Variants in APLP2 observed in about 807,000 individuals in gnomAD.
The protein encoded by APLP2 is amyloid beta precursor like protein 2.
A neutral mutation model predicts 89.9 loss-of-function variants in APLP2; 53 were observed. That is an observed-to-expected ratio of 0.59 (90% CI 0.47 to 0.74). APLP2 has a LOEUF of 0.74. Ranked by LOEUF, APLP2 falls within the 30% of genes least tolerant of loss-of-function variation. APLP2 has a pLI of 0.00. For synonymous variants in APLP2, 372 were observed against 348.6 expected, an observed-to-expected ratio of 1.07 and a Z score of -0.75; for missense variants, 973 against 975.9, an observed-to-expected ratio of 1.00 and a Z score of 0.04.
At chr11:130,119,830 T>C (rs1445653680) in intron 3 of APLP2, among the ~76,000 whole-genome samples, 2 of 152,246 alleles carry the variant, frequency 1.3e-5, no homozygotes, top group Non-Finnish European at 2.9e-5. Flanking sequence ...GACATTCTTC[T>C]ATATATAATG....
rs80070284 is a variant in APLP2, at chr11:130,069,931, C to T, written c.-47C>T. 160,476 of 1,385,974 alleles carry T rather than the reference C, an allele frequency of 0.12. 10,249 individuals carry two copies. The highest frequency in any genetic ancestry group is 0.25 in the African/African-American group (16,540 of 66,886). 85.9% of individuals were successfully genotyped at this position (1,385,974 alleles called of 1,614,324 possible). ...GTCGCGGTGTGCTAAGCGAGGAGTC[C>T]GAGTGTGTGAGCTTGAGAGCCGCGC... On this transcript the variant is annotated 5_prime_UTR_variant, in exon 1 of 17. Transcript: ENST00000338167.
At chr11:130,128,956 A>C (rs1950645989) in intron 9 of APLP2, 92 bp from the exon 10 acceptor site, 1 of 1,421,838 alleles carries the variant, frequency 7.0e-7, no homozygotes, top group Non-Finnish European at 9.5e-7. Flanking sequence ...TCGCATGGGC[A>C]CTGACAGGAG....
intron 1 of APLP2, chr11:130,070,546 C>A: frequency 7.8e-7 from 1 of 1,279,400 alleles, no homozygotes. Flanking sequence ...GGGCCTCCCA[C>A]CTGCGAGCGG....
intron 1 of APLP2, among the ~76,000 whole-genome samples, chr11:130,084,178 G>A (rs1203160697): frequency 2.6e-5 from 4 of 152,180 alleles, no homozygotes; most frequent in Non-Finnish European, 5.9e-5. Flanking sequence ...CCTGGGAGGT[G>A]GAGCTTGCAG....
chr11:130,091,325 C>CCCCA (rs1217903414), intron 1 of APLP2, among the ~76,000 whole-genome samples: 42 of 146,040 alleles, frequency 2.9e-4, no homozygotes, highest in African/African-American at 1.0e-3. Flanking sequence ...GGGCTGACAC[C>CCCCA]CCCACCTCCC....
Position 130,069,940 on chromosome 11 carries a change from G to A in APLP2, c.-38G>A, listed in dbSNP as rs1222616890. 14 of 1,452,276 alleles carry A rather than the reference G, an allele frequency of 9.6e-6. No individual in the cohort carries two copies. Among genetic ancestry groups the A allele is most frequent in the African/African-American group, 1.5e-5 (1 of 68,462 alleles). The allele number at this position is 1,452,276 out of a possible 1,614,324, so 90.0% of individuals were successfully genotyped here. On this transcript the variant is annotated 5_prime_UTR_variant, in exon 1 of 17. Transcript: ENST00000338167. ...TGCTAAGCGAGGAGTCCGAGTGTGT[G>A]AGCTTGAGAGCCGCGCGCTAGAGCG... is the stretch of plus-strand genomic sequence containing the variant.
chr11:130,141,728 T>G lies in APLP2; in HGVS notation c.1998+156T>G. ...TACTTTTGGATAAGAAAGCTAAAAT[T>G]AAAATCTCCATGGAGATTGGGAAGA... On this transcript the variant is annotated intron_variant, in intron 15 of 16. Coordinates refer to ENST00000338167, the MANE Select transcript of APLP2 (RefSeq NM_001142276.2). The surrounding 1 kb of genome is among the most constrained non-coding windows in gnomAD (Gnocchi z 4.2). The G allele has an allele frequency of 1.1e-6, 1 of 924,840 alleles. No homozygotes were observed. Among genetic ancestry groups the G allele is most frequent in the East Asian group, 2.6e-5 (1 of 38,342 alleles). 57.3% of individuals were successfully genotyped at this position (924,840 alleles called of 1,614,324 possible).
At chr11:130,091,465 C>T (rs1945160816) in intron 1 of APLP2, among the ~76,000 whole-genome samples, 3 of 138,058 alleles carry the variant, frequency 2.2e-5, no homozygotes, top group African/African-American at 8.6e-5. Context: ...CCCTCACCTC[C>T]CAGACGGGGC....
Position 130,074,371 on chromosome 11 carries a change from A to G in APLP2, c.105+4289A>G, listed in dbSNP as rs562416787. Among the ~76,000 whole-genome samples, 6 of 152,216 alleles carry G rather than the reference A, an allele frequency of 3.9e-5. No individual in the cohort carries two copies. The East Asian group carries it at 9.6e-4, about 24-fold the overall frequency. ...GCTGGGACTACAGGAGCCCACCACC[A>G]TGCCTGGCTCATTTTTATATTTTTA... On this transcript the variant is annotated intron_variant, in intron 1 of 16. Transcript: ENST00000338167.
At chr11:130,089,790 G>GT (rs1169950379) in intron 1 of APLP2, among the ~76,000 whole-genome samples, 2 of 152,208 alleles carry the variant, frequency 1.3e-5, no homozygotes, top group Non-Finnish European at 2.9e-5. Flanking sequence ...TTTTGGCAGC[G>GT]TAACTCCATC....
At chr11:130,080,222 A>T (rs73583443) in intron 1 of APLP2, among the ~76,000 whole-genome samples, 16,792 of 152,016 alleles carry the variant, frequency 0.11, 1,181 homozygotes, top group East Asian at 0.24. Flanking sequence ...TTACTATTAT[A>T]ATTTTTTGAG....
At chr11:130,091,417 C>T (rs1945145679) in intron 1 of APLP2, among the ~76,000 whole-genome samples, 1 of 142,694 alleles carries the variant, frequency 7.0e-6, no homozygotes, top group East Asian at 2.3e-4. Context: ...GGCAGAGGGG[C>T]TCCTCACTTC....
intron 3 of APLP2, among the ~76,000 whole-genome samples, chr11:130,111,535 G>C (rs960200935): frequency 6.6e-6 from 1 of 152,170 alleles, no homozygotes. Flanking sequence ...TTCTGCTTCT[G>C]ATGGCAGCAA....
chr11:130,110,673 T>C lies in APLP2; in HGVS notation c.403+12T>C. ...TTTCAAGTGTCTCGGTGAGTGTTCT[T>C]GGTTACTTTTCAGGAAGTGCCAGCC... On this transcript the variant is annotated intron_variant, in intron 3 of 16. Coordinates refer to ENST00000338167, the MANE Select transcript of APLP2 (RefSeq NM_001142276.2). 1 of 1,600,136 alleles carries C rather than the reference T, an allele frequency of 6.2e-7. No individual in the cohort carries two copies. The highest frequency in any genetic ancestry group is 8.5e-7 in the Non-Finnish European group (1 of 1,175,828).
chr11:130,126,561 T>C (rs1205391163), intron 7 of APLP2, 139 bp from the exon 8 acceptor site: 3 of 965,740 alleles, frequency 3.1e-6, no homozygotes, highest in African/African-American at 1.6e-5. Flanking sequence ...AAGTGAAGTC[T>C]TGGCAGATAG....
chr11:130,093,793 G>T (rs960892065), intron 1 of APLP2, among the ~76,000 whole-genome samples: 1 of 152,018 alleles, frequency 6.6e-6, no homozygotes, highest in African/African-American at 2.4e-5. Flanking sequence ...GCTCAGGCTG[G>T]AGTGGAGTGG....
intron 1 of APLP2, among the ~76,000 whole-genome samples, chr11:130,085,451 C>CA (rs34343827): frequency 2.0e-4 from 29 of 146,736 alleles, no homozygotes; most frequent in South Asian, 6.7e-4. Context: ...GACTCCATCT[C>CA]AAAAAAAAAA....
At chr11:130,117,773 G>A (rs950248882) in intron 3 of APLP2, among the ~76,000 whole-genome samples, 2 of 152,136 alleles carry the variant, frequency 1.3e-5, no homozygotes, top group South Asian at 2.1e-4. Flanking sequence ...TATAGATTGA[G>A]TTAAAGGTTG....
At chr11:130,122,592 G>A (rs1949949864) in intron 6 of APLP2, 79 bp downstream of exon 6, 2 of 1,579,262 alleles carry the variant, frequency 1.3e-6, no homozygotes, top group Non-Finnish European at 1.7e-6. Context: ...TCTGTCACAG[G>A]TAAGTCAGTC....
Sources: allele counts gnomAD v4.1 joint callset (sites outside exome capture counted in the v4.1 genomes callset), GRCh38; gene constraint gnomAD v4.1.1; non-coding constraint Gnocchi (gnomAD v3.1); transcripts MANE v1.5; gene names NCBI Gene and HGNC (gene_info 2026-07-23, HGNC 2026-07-21).